The following RIMS4 variants were observed in gnomAD, a reference collection of about 807,000 sequenced individuals.
RIMS4 encodes the protein regulating synaptic membrane exocytosis 4, also known as regulating synaptic membrane exocytosis protein 4.
Under a neutral mutation model 29.0 loss-of-function variants are expected in RIMS4, and 9 were observed. That is an observed-to-expected ratio of 0.31 (90% confidence interval 0.19 to 0.54). RIMS4 has a LOEUF of 0.54. Ranked by LOEUF, RIMS4 falls within the 20% of genes least tolerant of loss-of-function variation. The pLI is 0.94. For missense variants in RIMS4, 193 were observed against 365.7 expected (o/e 0.53, Z 3.85); for synonymous variants, 130 against 152.9 (o/e 0.85, Z 1.10).
intron 1 of RIMS4, among the ~76,000 whole-genome samples, chr20:44,786,133 G>A (rs1292448810): frequency 1.3e-5 from 2 of 152,232 alleles, no homozygotes; most frequent in Non-Finnish European, 2.9e-5. Context: ...AGAAGAGGTA[G>A]CAGAATCCCT....
chr20:44,764,238 T>TTATCCATCCATCCATCCATCCATC (rs1555859465), intron 2 of RIMS4, among the ~76,000 whole-genome samples: 2 of 127,552 alleles, frequency 1.6e-5, no homozygotes, highest in Admixed American at 7.9e-5. Context: ...GTCCATCCAT[T>TTATCCATCCATCCATCCATCCATC]CATCCATCCA....
At chr20:44,793,264 A>C (rs2066240738) in intron 1 of RIMS4, among the ~76,000 whole-genome samples, 1 of 152,210 alleles carries the variant, frequency 6.6e-6, no homozygotes, top group African/African-American at 2.4e-5. Flanking sequence ...CTTATTCTAA[A>C]TATGTAAAAG....
intron 2 of RIMS4, 53 bp from the exon 3 acceptor site, chr20:44,758,237 A>G: frequency 3.1e-6 from 4 of 1,283,246 alleles, no homozygotes; most frequent in Non-Finnish European, 4.4e-6. Context: ...TTTACCAACA[A>G]CTCTGGACTC....
At chr20:44,805,548 G>A (rs535370930) in intron 1 of RIMS4, among the ~76,000 whole-genome samples, 9 of 152,180 alleles carry the variant, frequency 5.9e-5, no homozygotes, top group South Asian at 2.1e-4. Context: ...CTTCAAAGCC[G>A]CAACTTCATG....
intron 1 of RIMS4, among the ~76,000 whole-genome samples, 160 bp from the exon 2 acceptor site, chr20:44,771,573 A>C (rs961677835): frequency 8.5e-5 from 13 of 152,222 alleles, no homozygotes; most frequent in African/African-American, 3.1e-4. Context: ...TGGCCTCACC[A>C]GTAACCACTC....
chr20:44,782,596 G>A (rs899648018), intron 1 of RIMS4, among the ~76,000 whole-genome samples: 1 of 152,072 alleles, frequency 6.6e-6, no homozygotes, highest in African/African-American at 2.4e-5. Context: ...CATACTTTAC[G>A]AGTTAGCTAT....
chr20:44,756,912 C>T lies in RIMS4; in HGVS notation c.577G>A (p.Gly193Ser). Residue 193 changes from glycine to serine, a missense_variant, in exon 5 of 6, where the codon GGC (glycine) becomes AGC (serine). Physicochemically the swap from Gly to Ser is moderately conservative, Grantham distance 56 (BLOSUM62 0). Coordinates refer to ENST00000372851, the MANE Select transcript of RIMS4 (RefSeq NM_182970.4). The surrounding 1 kb of genome is among the most constrained non-coding windows in gnomAD (Gnocchi z 5.9). Reference protein sequence around the residue: ...QVLLFPESPQGKVLQVIVWGN... With the variant: ...QVLLFPESPQSKVLQVIVWGN... ...ATGCCCCTCACCTGGAGGACTTTGCCCTGGGGACTCTCAGGAAACAGCAGC... is the reference window on the plus strand; with the variant it reads ...ATGCCCCTCACCTGGAGGACTTTGCTCTGGGGACTCTCAGGAAACAGCAGC... 1 of 1,613,972 alleles carries T rather than the reference C, an allele frequency of 6.2e-7. No individual in the cohort carries two copies. The highest frequency in any genetic ancestry group is 8.5e-7 in the Non-Finnish European group (1 of 1,179,916).
chr20:44,767,321 C>T (rs1168549352), intron 2 of RIMS4, among the ~76,000 whole-genome samples: 1 of 152,174 alleles, frequency 6.6e-6, no homozygotes, highest in African/African-American at 2.4e-5. Context: ...TAGCTCCTGC[C>T]CTTTTCCTGG....
rs1200320393 is a variant in RIMS4 at position 44,756,487 on chromosome 20, C to A, written c.592-135G>T. On this transcript the variant is annotated intron_variant, in intron 5 of 5. Coordinates refer to ENST00000372851, the MANE Select transcript of RIMS4 (RefSeq NM_182970.4). This position sits in a 1 kb window ranked among gnomAD's most constrained non-coding sequence, Gnocchi z 5.9. Reference sequence around the variant, plus strand: ...CCTCCTTAAAACTGCAATTCCTCAACAGGCCTTTCTTATCACGGGGCATCA... The same window carrying A: ...CCTCCTTAAAACTGCAATTCCTCAAAAGGCCTTTCTTATCACGGGGCATCA... 5 of 698,340 alleles carry A rather than the reference C, an allele frequency of 7.2e-6. No homozygotes were observed. The East Asian group carries it at 1.4e-4, about 19-fold the overall frequency. 43.3% of individuals were successfully genotyped at this position (698,340 alleles called of 1,614,324 possible). A position where few individuals can be genotyped will look rare whatever the true frequency, so the allele number is the denominator to read the frequency against.
Position 44,756,060 on chromosome 20 carries a change from C to T in RIMS4, c.*74G>A. The T allele has an allele frequency of 8.5e-7, 1 of 1,178,792 alleles. No individual in the cohort carries two copies. 73.0% of individuals were successfully genotyped at this position (1,178,792 alleles called of 1,614,324 possible). ...AGCCCCGTCCTCCTGTTCAATGTGC[C>T]CCTGGGCCTGGGGTCCCAGGTCAGG... On this transcript the variant is annotated 3_prime_UTR_variant, in exon 6 of 6. Coordinates refer to ENST00000372851, the MANE Select transcript of RIMS4 (RefSeq NM_182970.4). This position sits in a 1 kb window ranked among gnomAD's most constrained non-coding sequence, Gnocchi z 5.9.
At chr20:44,796,567 A>G (rs1026563306) in intron 1 of RIMS4, among the ~76,000 whole-genome samples, 5 of 152,198 alleles carry the variant, frequency 3.3e-5, no homozygotes, top group Admixed American at 2.6e-4. Context: ...TGAAAAAGTG[A>G]AAAGCCAGAC....
chr20:44,792,313 A>T (rs1171544382), intron 1 of RIMS4, among the ~76,000 whole-genome samples: 4 of 150,134 alleles, frequency 2.7e-5, no homozygotes, highest in Non-Finnish European at 4.4e-5. Flanking sequence ...TTTTTTTGAG[A>T]CAGAGTTTCG....
rs1441320146 is a variant in RIMS4 at position 44,808,000 on chromosome 20, T to C, written c.97+2175A>G. The stretch of plus-strand genomic sequence containing the variant: ...TTCAGAGGGAGGGCTACTGGTTTAA[T>C]GGAAAGAGAACCATAAACCTGATTT... On this transcript the variant is annotated intron_variant, in intron 1 of 5. Transcript: ENST00000372851. Among the ~76,000 whole-genome samples the C allele has an allele frequency of 3.3e-5, 5 of 152,102 alleles. No homozygotes were observed. The East Asian group carries it at 7.7e-4, about 24-fold the overall frequency.
In RIMS4 at chr20:44,771,314, G is replaced by T; in HGVS notation, c.197C>A (p.Ser66Tyr). Residue 66 changes from serine (S) to tyrosine (Y), a missense_variant, in exon 2 of 6, where the codon TCC becomes TAC. Physicochemically the swap from Ser to Tyr is moderately radical, Grantham distance 144. Transcript: ENST00000372851. Reference protein sequence around the residue: ...SRTLRQASHESIEDSMNSYGS... With the variant: ...SRTLRQASHEYIEDSMNSYGS... The stretch of plus-strand genomic sequence containing the variant: ...ATAGCTGTTCATGCTGTCCTCAATG[G>T]ACTCGTGGCTGGCCTGGCGCAGTGT... 2 of 1,613,906 alleles carry T rather than the reference G, an allele frequency of 1.2e-6. No individual in the cohort carries two copies.
At chr20:44,785,746 TTTTC>T (rs1248408584) in intron 1 of RIMS4, among the ~76,000 whole-genome samples, 1 of 149,852 alleles carries the variant, frequency 6.7e-6, no homozygotes, top group East Asian at 1.9e-4. Flanking sequence ...GATACATAGG[TTTTC>T]TTTTTTTTTT....
At chr20:44,764,237 T>TTTA (rs1260176033) in intron 2 of RIMS4, among the ~76,000 whole-genome samples, 2 of 151,814 alleles carry the variant, frequency 1.3e-5, no homozygotes, top group Non-Finnish European at 2.9e-5. Flanking sequence ...CGTCCATCCA[T>TTTA]TCATCCATCC....
chr20:44,786,627 A>G lies in RIMS4; in HGVS notation c.98-15214T>C, dbSNP rs184247416. 2.1e-3 allele frequency among the ~76,000 whole-genome samples: 327 copies of G among 152,322 alleles called. 3 individuals are homozygous for G. Among genetic ancestry groups the G allele is most frequent in the Admixed American group, 0.011 (175 of 15,304 alleles). On this transcript the variant is annotated intron_variant, in intron 1 of 5. Transcript: ENST00000372851. ...GCAGCATAATTCTGTAGTTACAACT[A>G]TAGTCTAAGTGCTTAGAAGAGAACT...
chr20:44,775,035 A>G (rs1376235259), intron 1 of RIMS4, among the ~76,000 whole-genome samples: 1 of 152,132 alleles, frequency 6.6e-6, no homozygotes, highest in Admixed American at 6.5e-5. Context: ...GCTCACCACC[A>G]GGTCTCAACC....
chr20:44,760,390 T>G (rs1260784327), intron 2 of RIMS4, among the ~76,000 whole-genome samples: 1 of 152,228 alleles, frequency 6.6e-6, no homozygotes, highest in Non-Finnish European at 1.5e-5. Context: ...TGAGGCTCTC[T>G]GTACATCCCT....
Sources: allele counts gnomAD v4.1 joint callset (sites outside exome capture counted in the v4.1 genomes callset), GRCh38; gene constraint gnomAD v4.1.1; non-coding constraint Gnocchi (gnomAD v3.1); transcripts MANE v1.5; gene names NCBI Gene and HGNC (gene_info 2026-07-23, HGNC 2026-07-21).